TMEM117: variants seen among roughly 807,000 people sequenced by gnomAD.
TMEM117 encodes the protein transmembrane protein 117.
Under a neutral mutation model 52.4 loss-of-function variants are expected in TMEM117, and 27 were observed. That is an observed-to-expected ratio of 0.51 (90% CI 0.38 to 0.71). TMEM117 has a LOEUF of 0.71. Among genes scored for constraint, TMEM117 ranks in the 30% least tolerant of loss-of-function variants. The probability of loss-of-function intolerance (pLI) is 0.00; values close to 1 mark genes in which losing one functional copy is unlikely to be tolerated. For missense variants in TMEM117, 556 were observed against 630.5 expected (o/e 0.88, Z 1.26); for synonymous variants, 215 against 206.3 (o/e 1.04, Z -0.36).
chr12:44,240,168 G>C (rs534514437), intron 5 of TMEM117, among the ~76,000 whole-genome samples: 1 of 152,182 alleles, frequency 6.6e-6, no homozygotes, highest in Non-Finnish European at 1.5e-5. Context: ...GTATTCTGCT[G>C]CATGATTTAT....
At chr12:44,057,833 G>C (rs984972251) in intron 3 of TMEM117, among the ~76,000 whole-genome samples, 1 of 152,098 alleles carries the variant, frequency 6.6e-6, no homozygotes, top group Admixed American at 6.6e-5. Context: ...TGTATGTCAG[G>C]ATATAACTTA....
intron 6 of TMEM117, among the ~76,000 whole-genome samples, chr12:44,346,274 G>GTGT (rs765485950): frequency 2.2e-4 from 34 of 152,072 alleles, no homozygotes; most frequent in Non-Finnish European, 4.1e-4. Context: ...TTCCACTGCA[G>GTGT]TGTTCTACAA....
At chr12:43,959,251 C>G (rs1043210305) in intron 3 of TMEM117, among the ~76,000 whole-genome samples, 1 of 152,238 alleles carries the variant, frequency 6.6e-6, no homozygotes, top group Non-Finnish European at 1.5e-5. Context: ...ACCAAGCTGA[C>G]TTAGGCCTTA....
At chr12:44,378,164 A>G (rs1279909546) in intron 7 of TMEM117, among the ~76,000 whole-genome samples, 1 of 152,110 alleles carries the variant, frequency 6.6e-6, no homozygotes, top group East Asian at 1.9e-4. Flanking sequence ...CCAGGCCATC[A>G]TTACACTAAT....
chr12:43,971,126 T>C (rs1271301957), intron 3 of TMEM117, among the ~76,000 whole-genome samples: 1 of 152,176 alleles, frequency 6.6e-6, no homozygotes, highest in African/African-American at 2.4e-5. Flanking sequence ...CTCATGCATA[T>C]AGTAAATCAC....
intron 4 of TMEM117, among the ~76,000 whole-genome samples, chr12:44,196,102 AAAAG>A (rs1475799785): frequency 2.6e-5 from 4 of 151,990 alleles, no homozygotes; most frequent in African/African-American, 9.7e-5. Context: ...AAGAAAAAAT[AAAAG>A]AAAGAATAAG....
At chr12:44,240,279 C>T (rs373416843) in intron 5 of TMEM117, among the ~76,000 whole-genome samples, 1 of 152,078 alleles carries the variant, frequency 6.6e-6, no homozygotes, top group South Asian at 2.1e-4. Context: ...CTTCACATTC[C>T]AGGTTGTAGG....
intron 7 of TMEM117, among the ~76,000 whole-genome samples, chr12:44,380,806 G>T (rs1029597008): frequency 7.2e-5 from 11 of 152,058 alleles, no homozygotes; most frequent in African/African-American, 2.7e-4. Flanking sequence ...GAAATGTTGG[G>T]TAGCTTGAGA....
intron 6 of TMEM117, among the ~76,000 whole-genome samples, chr12:44,311,831 G>GTA (rs59496905): frequency 0.028 from 693 of 24,512 alleles, 8 homozygotes; most frequent in African/African-American, 0.058. Flanking sequence ...ATGTATATAT[G>GTA]TATATATGTA....
chr12:43,989,972 A>G (rs1945911294), intron 3 of TMEM117, among the ~76,000 whole-genome samples: 2 of 152,116 alleles, frequency 1.3e-5, no homozygotes, highest in African/African-American at 4.8e-5. Flanking sequence ...TGTATTATCT[A>G]CTAGCTCTCA....
intron 5 of TMEM117, among the ~76,000 whole-genome samples, chr12:44,215,722 C>CT (rs558644951): frequency 0.067 from 9,218 of 137,076 alleles, 379 homozygotes; most frequent in African/African-American, 0.13. Flanking sequence ...AAAGCCTTAG[C>CT]TTTTTTTAAA....
chr12:44,013,159 G>C (rs546821571), intron 3 of TMEM117, among the ~76,000 whole-genome samples: 22 of 152,106 alleles, frequency 1.4e-4, no homozygotes, highest in Non-Finnish European at 2.5e-4. Flanking sequence ...CTCCAAAGTA[G>C]CTGGGTCTAC....
intron 6 of TMEM117, among the ~76,000 whole-genome samples, chr12:44,374,008 C>G (rs1297600938): frequency 6.6e-6 from 1 of 151,980 alleles, no homozygotes; most frequent in African/African-American, 2.4e-5. Context: ...TCTCAAACTC[C>G]TGATCTCAGG....
At chr12:44,130,482 A>G (rs891808046) in intron 3 of TMEM117, among the ~76,000 whole-genome samples, 3 of 152,060 alleles carry the variant, frequency 2.0e-5, no homozygotes, top group Non-Finnish European at 4.4e-5. Flanking sequence ...AGTTTTGGCT[A>G]TTTCTGAGTT....
chr12:44,230,220 A>T (rs1257885749), intron 5 of TMEM117, among the ~76,000 whole-genome samples: 7 of 152,130 alleles, frequency 4.6e-5, no homozygotes, highest in Non-Finnish European at 1.0e-4. Flanking sequence ...TTATGTAGTC[A>T]GTCAGTAGAG....
At chr12:43,871,720 G>T (rs1731441) in intron 2 of TMEM117, among the ~76,000 whole-genome samples, 120,556 of 151,930 alleles carry the variant, frequency 0.79, 50,346 homozygotes, top group East Asian at 0.94. Context: ...TTTTTGTTAA[G>T]AGATGTATGC....
downstream of TMEM117, among the ~76,000 whole-genome samples, chr12:44,391,786 C>T (rs1277268061): frequency 6.6e-6 from 1 of 152,196 alleles, no homozygotes; most frequent in African/African-American, 2.4e-5. Flanking sequence ...TGTTTCTCAT[C>T]TGCCTTCACT....
chr12:44,252,054 G>A (rs781148427), intron 5 of TMEM117, among the ~76,000 whole-genome samples: 3 of 152,084 alleles, frequency 2.0e-5, no homozygotes, highest in East Asian at 3.9e-4. Flanking sequence ...GCCTTTTTTC[G>A]TCTCTTGACA....
intron 3 of TMEM117, among the ~76,000 whole-genome samples, chr12:44,036,102 A>G (rs908637670): frequency 1.3e-5 from 2 of 152,218 alleles, no homozygotes; most frequent in East Asian, 1.9e-4. Context: ...TCTAGATCAC[A>G]GAGATCATTA....
Sources: gnomAD v4.1 joint callset for allele counts (sites outside exome capture counted in the v4.1 genomes callset) on GRCh38, gnomAD v4.1.1 for gene constraint, MANE v1.5 for transcripts, NCBI Gene and HGNC (gene_info 2026-07-23, HGNC 2026-07-21) for gene names.